The following NUDT3 variants were observed in gnomAD, a reference collection of about 807,000 sequenced individuals.
NUDT3 encodes nudix hydrolase 3.
A neutral mutation model predicts 23.6 loss-of-function variants in NUDT3; 9 were observed. The observed-to-expected ratio is 0.38, with a 90% CI of 0.23 to 0.66. The LOEUF (loss-of-function observed/expected upper bound fraction) is 0.66. NUDT3 is among the 30% of genes least tolerant of loss of function. NUDT3 has a pLI of 0.52. For synonymous variants in NUDT3, 86 were observed against 82.6 expected (o/e 1.04, Z -0.22); for missense variants, 172 against 218.5 (o/e 0.79, Z 1.34).
intron 1 of NUDT3, among the ~76,000 whole-genome samples, chr6:34,375,267 C>T (rs1467875048): frequency 6.6e-6 from 1 of 152,080 alleles, no homozygotes; most frequent in South Asian, 2.1e-4. Flanking sequence ...TTGCTTGAAA[C>T]GGGGAGGCAG....
intron 1 of NUDT3, among the ~76,000 whole-genome samples, chr6:34,372,350 A>C (rs1764845371): frequency 1.3e-5 from 2 of 152,198 alleles, no homozygotes; most frequent in Admixed American, 1.3e-4. Flanking sequence ...ACTAGTTTAC[A>C]GTCCCACCAA....
At chr6:34,319,051 A>AG (rs397955150) in intron 2 of NUDT3, among the ~76,000 whole-genome samples, 3 of 150,262 alleles carry the variant, frequency 2.0e-5, no homozygotes, top group Admixed American at 6.6e-5. Context: ...AAAAAAAAAA[A>AG]GGGCTGGGAT....
At chr6:34,375,416 T>A (rs190327627) in intron 1 of NUDT3, among the ~76,000 whole-genome samples, 3 of 152,282 alleles carry the variant, frequency 2.0e-5, no homozygotes, top group African/African-American at 7.2e-5. Flanking sequence ...TCATAGTTTA[T>A]CCTCCGTGGA....
rs1281915240 is a variant in NUDT3 at position 34,282,653 on chromosome 6, T to C, written c.*6100A>G. The stretch of plus-strand genomic sequence containing the variant: ...CAGTGATTAATAGAATCTTCACATC[T>C]GGCCTGGCTGGGAGGCTTGGGGGCA... On this transcript the variant is annotated 3_prime_UTR_variant, in exon 5 of 5. Coordinates refer to ENST00000607016, the MANE Select transcript of NUDT3 (RefSeq NM_006703.4). 1 of 152,124 alleles carries C rather than the reference T, an allele frequency of 6.6e-6. No homozygotes were observed. The highest frequency in any genetic ancestry group is 1.5e-5 in the Non-Finnish European group (1 of 68,012). The allele number at this position is 152,124 out of a possible 1,614,324, so 9.4% of individuals were successfully genotyped here. A position where few individuals can be genotyped will look rare whatever the true frequency, so the allele number is the denominator to read the frequency against.
intron 1 of NUDT3, among the ~76,000 whole-genome samples, chr6:34,369,659 A>C (rs1351656197): frequency 2.0e-5 from 3 of 152,248 alleles, no homozygotes; most frequent in African/African-American, 7.2e-5. Context: ...CTTTGGTCTA[A>C]GAAAAATCAA....
chr6:34,385,371 T>A (rs1765088666), intron 1 of NUDT3, among the ~76,000 whole-genome samples: 1 of 152,158 alleles, frequency 6.6e-6, no homozygotes, highest in Admixed American at 6.6e-5. Flanking sequence ...GCGGATCACC[T>A]GAGGTCGGGA....
chr6:34,299,246 T>C (rs1017366929), intron 2 of NUDT3, among the ~76,000 whole-genome samples: 1 of 152,200 alleles, frequency 6.6e-6, no homozygotes, highest in Non-Finnish European at 1.5e-5. Context: ...CCCATCAGGA[T>C]GCTGGTATGG....
chr6:34,331,003 T>C (rs934958564), intron 2 of NUDT3, among the ~76,000 whole-genome samples: 1 of 152,142 alleles, frequency 6.6e-6, no homozygotes, highest in African/African-American at 2.4e-5. Flanking sequence ...TACAGGCACA[T>C]GCTACCACGC....
chr6:34,304,145 C>T (rs932959131), intron 2 of NUDT3, among the ~76,000 whole-genome samples: 2 of 150,118 alleles, frequency 1.3e-5, no homozygotes, highest in Admixed American at 6.7e-5. Flanking sequence ...CCCAGCTACT[C>T]GGGAGGCTGA....
chr6:34,379,878 A>G (rs541914204), intron 1 of NUDT3, among the ~76,000 whole-genome samples: 116 of 151,150 alleles, frequency 7.7e-4, no homozygotes, highest in Non-Finnish European at 1.3e-3. Flanking sequence ...GGGGTGGCAC[A>G]TGCCTGTGAT....
intron 1 of NUDT3, among the ~76,000 whole-genome samples, chr6:34,357,073 G>A (rs561589870): frequency 5.3e-5 from 8 of 151,896 alleles, no homozygotes; most frequent in East Asian, 2.0e-4. Flanking sequence ...CACCACGCCC[G>A]GCCAAATTGT....
intron 1 of NUDT3, among the ~76,000 whole-genome samples, chr6:34,391,753 C>G (rs957843749): frequency 2.0e-5 from 3 of 151,294 alleles, no homozygotes; most frequent in South Asian, 2.1e-4. Flanking sequence ...ACACCCCACC[C>G]CCACCCCTCA....
rs189890580 is a variant in NUDT3, at chr6:34,389,442, T to A, written c.99+2822A>T. On this transcript the variant is annotated intron_variant, in intron 1 of 4. Transcript: ENST00000607016. ...CTCTTTCTTTATAAATTACTCAGTCTCAGGTATTTCTTTATAACAGTGTGA... is the reference window on the plus strand; with the variant it reads ...CTCTTTCTTTATAAATTACTCAGTCACAGGTATTTCTTTATAACAGTGTGA... Among the ~76,000 whole-genome samples, 57 of 152,320 alleles carry A rather than the reference T, an allele frequency of 3.7e-4. No individual in the cohort carries two copies. The East Asian group carries it at 0.01, about 28-fold the overall frequency.
chr6:34,309,396 C>T (rs1458237419), intron 2 of NUDT3, among the ~76,000 whole-genome samples: 1 of 150,038 alleles, frequency 6.7e-6, no homozygotes, highest in African/African-American at 2.4e-5. Context: ...GAGAGTGGTG[C>T]TTAGAGGAAA....
intron 1 of NUDT3, among the ~76,000 whole-genome samples, chr6:34,389,040 G>C (rs774524706): frequency 6.6e-6 from 1 of 152,214 alleles, no homozygotes; most frequent in Admixed American, 6.5e-5. Flanking sequence ...GGCTGAGATG[G>C]GAGGATCTCT....
In NUDT3 at chr6:34,293,441, G is replaced by T; in HGVS notation, c.340+10C>A. ...AGGAACCCTTTCCAGGCTGTCTGGA[G>T]ATGGCTTACCAATGTTAACTGAATC... On this transcript the variant is annotated intron_variant, in intron 4 of 4. Coordinates refer to ENST00000607016, the MANE Select transcript of NUDT3 (RefSeq NM_006703.4). The T allele has an allele frequency of 6.2e-7, 1 of 1,614,106 alleles. No homozygotes were observed. Among genetic ancestry groups the T allele is most frequent in the South Asian group, 1.1e-5 (1 of 91,078 alleles).
In NUDT3 at chr6:34,285,146, G is replaced by A. The variant is rs942955819; in HGVS notation, c.*3607C>T. 7.2e-5 allele frequency: 11 copies of A among 152,230 alleles called. 1 individual carries two copies. The highest frequency in any genetic ancestry group is 5.2e-4 in the Admixed American group (8 of 15,284). 9.4% of individuals were successfully genotyped at this position (152,230 alleles called of 1,614,324 possible). ...AGTGAGAGAGCCCTCTCCATGCAGG[G>A]CAGATGGAGTGGTGGACACTTGTGA... On this transcript the variant is annotated 3_prime_UTR_variant, in exon 5 of 5. Coordinates refer to ENST00000607016, the MANE Select transcript of NUDT3 (RefSeq NM_006703.4).
intron 1 of NUDT3, among the ~76,000 whole-genome samples, chr6:34,357,948 T>TCC: frequency 6.6e-6 from 1 of 152,276 alleles, no homozygotes; most frequent in South Asian, 2.1e-4. Context: ...TGTTTGTACT[T>TCC]CCCATCTATG....
intron 1 of NUDT3, among the ~76,000 whole-genome samples, chr6:34,362,977 G>C (rs1581891110): frequency 6.6e-6 from 1 of 152,266 alleles, no homozygotes; most frequent in African/African-American, 2.4e-5. Flanking sequence ...TAACCCTCAT[G>C]AGAGTCCTGA....
Sources: gnomAD v4.1 joint callset for allele counts (sites outside exome capture counted in the v4.1 genomes callset) on GRCh38, gnomAD v4.1.1 for gene constraint, MANE v1.5 for transcripts, NCBI Gene and HGNC (gene_info 2026-07-23, HGNC 2026-07-21) for gene names.